Variants in TRIM66 observed in about 807,000 individuals in gnomAD.
The protein encoded by TRIM66 is tripartite motif containing 66.
In TRIM66, 99 loss-of-function variants were observed where a neutral mutation model predicts 148.2. That is an observed-to-expected ratio of 0.67 (90% CI 0.57 to 0.79). The LOEUF is 0.79. TRIM66 is among the 30% of genes least tolerant of loss of function. TRIM66 has a pLI of 0.00. For missense variants in TRIM66, 1,666 were observed against 1,697.9 expected (o/e 0.98, Z 0.33); for synonymous variants, 616 against 635.9 (o/e 0.97, Z 0.47).
rs532372208 is a variant in TRIM66, at chr11:8,613,118, G to A, written c.*4826C>T. 6.6e-6 allele frequency: 1 copy of A among 152,230 alleles called. No homozygotes were observed. The highest frequency in any genetic ancestry group is 2.4e-5 in the African/African-American group (1 of 41,438). The allele number at this position is 152,230 out of a possible 1,614,324, so 9.4% of individuals were successfully genotyped here. A position where few individuals can be genotyped will look rare whatever the true frequency, so the allele number is the denominator to read the frequency against. ...AAAAGGAAGGGACTCAGGAAATAGA[G>A]AGACAGACAGAGGAAGCAGGAGCAG... On this transcript the variant is annotated 3_prime_UTR_variant, in exon 25 of 25. Transcript: ENST00000646038.
chr11:8,675,782 AG>A (rs1253213558), intron 3 of TRIM66, among the ~76,000 whole-genome samples: 1 of 151,840 alleles, frequency 6.6e-6, no homozygotes, highest in Non-Finnish European at 1.5e-5. Flanking sequence ...CTCTGTCGTC[AG>A]GCTGGAGTGC....
chr11:8,651,095 T>C (rs564997210), intron 7 of TRIM66, among the ~76,000 whole-genome samples: 1 of 152,294 alleles, frequency 6.6e-6, no homozygotes, highest in Admixed American at 6.5e-5. Flanking sequence ...CCTATCTGTG[T>C]CTGAATCACA....
intron 7 of TRIM66, among the ~76,000 whole-genome samples, chr11:8,650,126 A>G (rs1056011508): frequency 6.6e-6 from 1 of 152,130 alleles, no homozygotes; most frequent in African/African-American, 2.4e-5. Flanking sequence ...TAACCCCAGT[A>G]CTTTGGGAGG....
At chr11:8,634,122 G>A (rs950379685) in intron 15 of TRIM66, among the ~76,000 whole-genome samples, 18 of 152,204 alleles carry the variant, frequency 1.2e-4, no homozygotes, top group African/African-American at 4.3e-4. Context: ...AGGTGAACTG[G>A]GACCCGGATA....
intron 15 of TRIM66, among the ~76,000 whole-genome samples, chr11:8,626,446 A>G (rs2034855017): frequency 6.6e-6 from 1 of 152,220 alleles, no homozygotes; most frequent in Admixed American, 6.5e-5. Flanking sequence ...TCCTCATCTC[A>G]GTGAAAGTCA....
upstream of TRIM66, chr11:8,682,767 C>A: frequency 1.2e-6 from 2 of 1,613,602 alleles, no homozygotes; most frequent in Non-Finnish European, 1.7e-6. Context: ...TGGCCGATAC[C>A]TCGCGAGACT....
chr11:8,638,498 G>T (rs2036085620), intron 15 of TRIM66, among the ~76,000 whole-genome samples, 156 bp downstream of exon 15: 1 of 152,138 alleles, frequency 6.6e-6, no homozygotes, highest in South Asian at 2.1e-4. Flanking sequence ...CTAGGTTGCT[G>T]ACTCACTACG....
At chr11:8,633,208 G>T (rs1223512799) in intron 15 of TRIM66, among the ~76,000 whole-genome samples, 2 of 152,134 alleles carry the variant, frequency 1.3e-5, no homozygotes, top group Non-Finnish European at 2.9e-5. Context: ...TGTAATCCCA[G>T]CTACTCAGGA....
At chr11:8,628,717 C>A (rs2035113402) in intron 15 of TRIM66, among the ~76,000 whole-genome samples, 1 of 151,508 alleles carries the variant, frequency 6.6e-6, no homozygotes, top group Non-Finnish European at 1.5e-5. Context: ...TGGGCTTACT[C>A]CCCTTCACTA....
At chr11:8,648,258 G>A (rs2037045231) in intron 9 of TRIM66, among the ~76,000 whole-genome samples, 158 bp downstream of exon 9, 1 of 152,228 alleles carries the variant, frequency 6.6e-6, no homozygotes, top group Admixed American at 6.5e-5. Context: ...CCTTTTCCAG[G>A]GAAGTCCTAC....
chr11:8,620,693 G>C, intron 20 of TRIM66, 121 bp from the exon 21 acceptor site: 2 of 1,422,214 alleles, frequency 1.4e-6, no homozygotes, highest in Admixed American at 5.5e-5. Flanking sequence ...GTAAGAAATG[G>C]CTTTCTAGCC....
chr11:8,622,086 G>A (rs2034281760), intron 18 of TRIM66, among the ~76,000 whole-genome samples: 2 of 151,582 alleles, frequency 1.3e-5, no homozygotes, highest in African/African-American at 4.9e-5. Context: ...AAGCAGGCAG[G>A]AAAACATGAA....
intron 6 of TRIM66, among the ~76,000 whole-genome samples, chr11:8,668,986 T>C (rs182647058): frequency 6.6e-6 from 1 of 152,302 alleles, no homozygotes; most frequent in East Asian, 1.9e-4. Flanking sequence ...TTCCAGTGGT[T>C]AAAGTAAGTC....
At chr11:8,637,225 C>T (rs2035956499) in intron 15 of TRIM66, among the ~76,000 whole-genome samples, 1 of 152,174 alleles carries the variant, frequency 6.6e-6, no homozygotes, top group African/African-American at 2.4e-5. Flanking sequence ...TACTCTCCAG[C>T]ATGGGACCGA....
At chr11:8,662,246 A>G (rs547260785) in intron 6 of TRIM66, among the ~76,000 whole-genome samples, 1 of 152,240 alleles carries the variant, frequency 6.6e-6, no homozygotes, top group South Asian at 2.1e-4. Flanking sequence ...CCCACCTCCC[A>G]GGCTCCTACA....
chr11:8,647,780 G>A (rs1376002650), intron 10 of TRIM66, among the ~76,000 whole-genome samples, 190 bp downstream of exon 10: 10 of 152,142 alleles, frequency 6.6e-5, no homozygotes, highest in Admixed American at 6.5e-4. Flanking sequence ...GCCACCAAGG[G>A]ATGACTTAAT....
At chr11:8,646,383 G>A in intron 11 of TRIM66, 64 bp downstream of exon 11, 3 of 1,350,782 alleles carry the variant, frequency 2.2e-6, no homozygotes, top group Non-Finnish European at 2.1e-6. Context: ...CCTAGGTCCT[G>A]GGACTAGCTT....
chr11:8,641,777 G>T (rs766118225), intron 13 of TRIM66, among the ~76,000 whole-genome samples: 1 of 152,092 alleles, frequency 6.6e-6, no homozygotes, highest in African/African-American at 2.4e-5. Flanking sequence ...GTTTAGCACC[G>T]TCCCTTTGGT....
At chr11:8,629,285 GAC>G (rs1311555945) in intron 15 of TRIM66, among the ~76,000 whole-genome samples, 11 of 152,178 alleles carry the variant, frequency 7.2e-5, no homozygotes, top group African/African-American at 2.7e-4. Context: ...TGCAATATAT[GAC>G]AGTCTAATCC....
Sources: allele counts gnomAD v4.1 joint callset (sites outside exome capture counted in the v4.1 genomes callset), GRCh38; gene constraint gnomAD v4.1.1; transcripts MANE v1.5; gene names NCBI Gene and HGNC (gene_info 2026-07-23, HGNC 2026-07-21).